SNTG1: variants seen among roughly 807,000 people sequenced by gnomAD.
The protein encoded by SNTG1 is syntrophin gamma 1, also known as gamma-1-syntrophin.
Under a neutral mutation model 74.7 loss-of-function variants are expected in SNTG1, and 39 were observed. The observed-to-expected ratio is 0.52, with a 90% CI of 0.40 to 0.68. The LOEUF (loss-of-function observed/expected upper bound fraction) is 0.68. SNTG1 is among the 30% of genes least tolerant of loss of function. The probability of loss-of-function intolerance (pLI) is 0.00; values close to 1 mark genes in which losing one functional copy is unlikely to be tolerated. For missense variants in SNTG1, 685 were observed against 609.5 expected, an observed-to-expected ratio of 1.12 and a Z score of -1.30; for synonymous variants, 254 against 217.1, an observed-to-expected ratio of 1.17 and a Z score of -1.49.
rs555151241 is a variant in SNTG1, at chr8:49,946,675, A to T, written c.-103+34444A>T. Among the ~76,000 whole-genome samples, 3 of 152,132 alleles carry T rather than the reference A, an allele frequency of 2.0e-5. No individual in the cohort carries two copies. The South Asian group carries it at 6.2e-4, about 31-fold the overall frequency. On this transcript the variant is annotated intron_variant, in intron 1 of 18. Transcript: ENST00000642720. Reference sequence around the variant, plus strand: ...ATTAAGTCTCACAATATTTTTTTGTAGTCAAAGTGGGCCGTCTGATGTAAT... The same window carrying T: ...ATTAAGTCTCACAATATTTTTTTGTTGTCAAAGTGGGCCGTCTGATGTAAT...
At chr8:49,933,590 ATTTG>A (rs1807788804) in intron 1 of SNTG1, among the ~76,000 whole-genome samples, 1 of 152,174 alleles carries the variant, frequency 6.6e-6, no homozygotes, top group African/African-American at 2.4e-5. Context: ...TTCCAGCACC[ATTTG>A]TTTAAGAAGC....
chr8:50,388,176 C>T (rs1336984014), intron 2 of SNTG1, among the ~76,000 whole-genome samples: 1 of 152,164 alleles, frequency 6.6e-6, no homozygotes, highest in Admixed American at 6.5e-5. Context: ...ATATGCAGGG[C>T]ATAGGCTAGT....
intron 8 of SNTG1, among the ~76,000 whole-genome samples, chr8:50,455,341 A>T (rs1479229955): frequency 1.3e-5 from 2 of 152,216 alleles, no homozygotes; most frequent in East Asian, 3.9e-4. Flanking sequence ...TTCAAAAAAA[A>T]TATGTTCATC....
intron 1 of SNTG1, among the ~76,000 whole-genome samples, chr8:50,143,586 T>C (rs1243124903): frequency 6.6e-6 from 1 of 152,236 alleles, no homozygotes; most frequent in Non-Finnish European, 1.5e-5. Context: ...AGTCTCGTAC[T>C]TTTAAACATA....
intron 15 of SNTG1, among the ~76,000 whole-genome samples, chr8:50,687,941 C>A (rs376107501): frequency 6.6e-6 from 1 of 152,106 alleles, no homozygotes; most frequent in South Asian, 2.1e-4. Flanking sequence ...TTTTAATGAT[C>A]GCCATTCTCA....
rs560045907 is a variant in SNTG1, at chr8:50,542,404, G to A, written c.680+5596G>A. 2.3e-3 allele frequency among the ~76,000 whole-genome samples: 342 copies of A among 151,908 alleles called. 2 individuals carry two copies. Among genetic ancestry groups the A allele is most frequent in the African/African-American group, 7.7e-3 (319 of 41,446 alleles). Reference sequence around the variant, plus strand: ...ACTCCTGACCTCAAGTGATCCACCCGCCTCGGCCTCCTAAAGTGTTAGGAT... The same window carrying A: ...ACTCCTGACCTCAAGTGATCCACCCACCTCGGCCTCCTAAAGTGTTAGGAT... On this transcript the variant is annotated intron_variant, in intron 11 of 18. Transcript: ENST00000642720.
At chr8:50,572,157 GA>G (rs1443886022) in intron 12 of SNTG1, among the ~76,000 whole-genome samples, 1 of 151,976 alleles carries the variant, frequency 6.6e-6, no homozygotes, top group Non-Finnish European at 1.5e-5. Flanking sequence ...CTGCCCCTAT[GA>G]GAAGATTCCC....
intron 1 of SNTG1, among the ~76,000 whole-genome samples, chr8:49,970,798 T>G (rs1373556364): frequency 6.6e-6 from 1 of 152,154 alleles, no homozygotes; most frequent in Non-Finnish European, 1.5e-5. Flanking sequence ...CAGCTCTGGT[T>G]AGGGAATGAT....
intron 2 of SNTG1, among the ~76,000 whole-genome samples, chr8:50,280,660 G>C (rs965629654): frequency 1.3e-5 from 2 of 152,112 alleles, no homozygotes; most frequent in African/African-American, 2.4e-5. Flanking sequence ...TTTTCTGACT[G>C]GCAATTGGTT....
intron 15 of SNTG1, among the ~76,000 whole-genome samples, chr8:50,694,842 T>TTA (rs1202638295): frequency 6.6e-6 from 1 of 151,764 alleles, no homozygotes; most frequent in Non-Finnish European, 1.5e-5. Flanking sequence ...TATAATTATT[T>TTA]TATAAAACAC....
chr8:50,106,260 G>A (rs985674651), intron 1 of SNTG1, among the ~76,000 whole-genome samples: 1 of 152,006 alleles, frequency 6.6e-6, no homozygotes, highest in Non-Finnish European at 1.5e-5. Context: ...AGCAAGGAGA[G>A]GAATTGTCAC....
intron 4 of SNTG1, among the ~76,000 whole-genome samples, chr8:50,425,461 C>G (rs1273123860): frequency 6.6e-6 from 1 of 152,090 alleles, no homozygotes; most frequent in African/African-American, 2.4e-5. Flanking sequence ...CTCATCACCC[C>G]CAGATGGGAC....
intron 17 of SNTG1, among the ~76,000 whole-genome samples, chr8:50,714,925 T>C (rs974451699): frequency 2.0e-5 from 3 of 152,082 alleles, no homozygotes; most frequent in Non-Finnish European, 2.9e-5. Context: ...TTTGGTTTTG[T>C]AAAAACCAAA....
At chr8:50,028,738 A>T (rs1234358270) in intron 1 of SNTG1, among the ~76,000 whole-genome samples, 2 of 144,928 alleles carry the variant, frequency 1.4e-5, no homozygotes, top group East Asian at 2.0e-4. Flanking sequence ...CTTAAAGTAT[A>T]AAAAAAAAGA....
intron 1 of SNTG1, among the ~76,000 whole-genome samples, chr8:49,938,436 C>T (rs532551022): frequency 6.6e-6 from 1 of 152,240 alleles, no homozygotes; most frequent in Admixed American, 6.5e-5. Flanking sequence ...GGATGAAAAT[C>T]ATCACTACAT....
At chr8:50,628,628 C>A (rs74332755) in intron 13 of SNTG1, among the ~76,000 whole-genome samples, 6,547 of 152,026 alleles carry the variant, frequency 0.043, 246 homozygotes, top group African/African-American at 0.095. Context: ...TTTCACCTTC[C>A]TTTATGTGAA....
intron 13 of SNTG1, among the ~76,000 whole-genome samples, chr8:50,622,667 A>G (rs546144181): frequency 1.3e-5 from 2 of 152,260 alleles, no homozygotes; most frequent in East Asian, 1.9e-4. Context: ...TAAAGAATAT[A>G]TATGTAAATA....
At chr8:49,979,634 G>A (rs983848452) in intron 1 of SNTG1, among the ~76,000 whole-genome samples, 2 of 152,072 alleles carry the variant, frequency 1.3e-5, no homozygotes, top group Admixed American at 6.5e-5. Flanking sequence ...TTGTCGTCGC[G>A]CTCTAGGGCC....
intron 12 of SNTG1, among the ~76,000 whole-genome samples, chr8:50,567,577 T>A (rs970837210): frequency 2.0e-5 from 3 of 152,104 alleles, no homozygotes; most frequent in African/African-American, 4.8e-5. Flanking sequence ...TATGTATCGG[T>A]GGAGTAAACT....
Sources: allele counts gnomAD v4.1 joint callset (sites outside exome capture counted in the v4.1 genomes callset), GRCh38; gene constraint gnomAD v4.1.1; transcripts MANE v1.5; gene names NCBI Gene and HGNC (gene_info 2026-07-23, HGNC 2026-07-21).